Variants in PEPD observed in about 807,000 individuals in gnomAD.
PEPD encodes the protein peptidase D, also known as xaa-Pro dipeptidase.
A neutral mutation model predicts 60.7 loss-of-function variants in PEPD; 53 were observed. That is an observed-to-expected ratio of 0.87 (90% CI 0.70 to 1.10). The LOEUF is 1.10. Ranked by LOEUF, PEPD falls within the 50% of genes least tolerant of loss-of-function variation. The probability of loss-of-function intolerance (pLI) is 0.00; values close to 1 mark genes in which losing one functional copy is unlikely to be tolerated. For synonymous variants in PEPD, 267 were observed against 284.1 expected, an observed-to-expected ratio of 0.94 and a Z score of 0.60; for missense variants, 711 against 711.9, an observed-to-expected ratio of 1.00 and a Z score of 0.01.
intron 3 of PEPD, among the ~76,000 whole-genome samples, chr19:33,503,152 A>G (rs1970741884): frequency 6.6e-6 from 1 of 152,050 alleles, no homozygotes; most frequent in South Asian, 2.1e-4. Flanking sequence ...CCTCTCTCTG[A>G]GTCCTCCACC....
At chr19:33,470,101 C>T (rs569393646) in intron 7 of PEPD, among the ~76,000 whole-genome samples, 7 of 152,026 alleles carry the variant, frequency 4.6e-5, no homozygotes, top group Admixed American at 2.6e-4. Context: ...CACATCCATC[C>T]GCTGCTTCCC....
intron 7 of PEPD, among the ~76,000 whole-genome samples, chr19:33,468,554 A>G (rs1212703781): frequency 1.3e-5 from 2 of 151,892 alleles, no homozygotes. Flanking sequence ...TGGCTCCCCC[A>G]CTCCCATCAG....
At chr19:33,513,947 C>CTG (rs1555771548) in intron 1 of PEPD, among the ~76,000 whole-genome samples, 1 of 151,732 alleles carries the variant, frequency 6.6e-6, no homozygotes. Flanking sequence ...CCACCCCATC[C>CTG]CCCAGCTCTC....
At position 33,388,004 on chromosome 19, in the gene PEPD, G is replaced by C. The variant is rs751317868; in HGVS notation, c.1230C>G (p.Thr410=). 6.3e-7 allele frequency: 1 copy of C among 1,577,470 alleles called. No individual in the cohort carries two copies. Among genetic ancestry groups the C allele is most frequent in the African/African-American group, 1.3e-5 (1 of 74,494 alleles). ...CGATGAAGTAGATGCCCGGCTCCAC[G>C]GTGAGCACCATGCCTGGCTGCAGGT... ...ARHLQPGMVL[T]VEPGIYFIDH... is the part of the protein sequence containing the mutation. The change falls in exon 14 of 15, where the codon ACC becomes ACG. Residue 410 remains threonine (T), a synonymous_variant. Transcript: ENST00000244137.
rs547589245 is a variant in PEPD, at chr19:33,419,750, A to G, written c.672-6107T>C. Among the ~76,000 whole-genome samples the G allele has an allele frequency of 5.9e-5, 9 of 152,358 alleles. 1 individual carries two copies. The highest frequency in any genetic ancestry group is 1.4e-4 in the African/African-American group (6 of 41,588). On this transcript the variant is annotated intron_variant, in intron 9 of 14. Transcript: ENST00000244137. ...CTTCCGGAGCCCTGACCTTGCACCC[A>G]TGCACAAGGCCAGAACTGAGCAGAA...
chr19:33,393,617 G>A (rs910992201), intron 12 of PEPD, among the ~76,000 whole-genome samples: 3 of 150,292 alleles, frequency 2.0e-5, no homozygotes, highest in African/African-American at 7.5e-5. Context: ...TGTGTCACCT[G>A]GGGGCTGGAG....
intron 3 of PEPD, among the ~76,000 whole-genome samples, chr19:33,508,091 C>T (rs1489748535): frequency 1.3e-5 from 2 of 152,102 alleles, no homozygotes; most frequent in African/African-American, 4.8e-5. Context: ...TCAGACCCTC[C>T]CTGAAGCTGT....
chr19:33,517,390 G>A (rs995636665), intron 1 of PEPD, among the ~76,000 whole-genome samples: 4 of 151,386 alleles, frequency 2.6e-5, no homozygotes, highest in Admixed American at 1.3e-4. Flanking sequence ...GAGCCCCTGT[G>A]TCTACTAAAA....
intron 9 of PEPD, among the ~76,000 whole-genome samples, chr19:33,443,393 C>A (rs1413320560): frequency 6.6e-6 from 1 of 152,228 alleles, no homozygotes; most frequent in Non-Finnish European, 1.5e-5. Context: ...ACTCTTGATA[C>A]ATGACTGAAC....
At chr19:33,431,196 G>C (rs893154322) in intron 9 of PEPD, among the ~76,000 whole-genome samples, 1 of 138,186 alleles carries the variant, frequency 7.2e-6, no homozygotes, top group Non-Finnish European at 1.6e-5. Context: ...GGGAGGGAGG[G>C]AGGGAGAGAG....
intron 6 of PEPD, among the ~76,000 whole-genome samples, chr19:33,484,984 C>T (rs1259544417): frequency 6.6e-6 from 1 of 152,142 alleles, no homozygotes; most frequent in African/African-American, 2.4e-5. Flanking sequence ...GGTAGGCGTG[C>T]CCTGGAAGCA....
At position 33,413,587 on chromosome 19, in the gene PEPD, C is replaced by G. The variant is rs554131711; in HGVS notation, c.728G>C (p.Cys243Ser). The G allele has an allele frequency of 1.3e-6, 2 of 1,577,820 alleles. No individual in the cohort carries two copies. The highest frequency in any genetic ancestry group is 2.3e-5 in the South Asian group (2 of 86,268). Residue 243 changes from cysteine (C) to serine (S), a missense_variant, in exon 10 of 15, where the codon TGC becomes TCC. Transcript: ENST00000244137. ...RGGMRHSSYT[C>S]ICGSGENSAV... is the part of the protein sequence containing the mutation. ...GTGCCCCGCTTACCTGCCGCAGATG[C>G]AGGTGTAGGAGCTGTGGCGCATGCC...
intron 7 of PEPD, among the ~76,000 whole-genome samples, chr19:33,464,818 G>T (rs1281721630): frequency 1.3e-5 from 2 of 152,264 alleles, no homozygotes; most frequent in East Asian, 3.9e-4. Flanking sequence ...GTTTCTGGTG[G>T]TTGCAATCAA....
chr19:33,480,567 C>T lies in PEPD; in HGVS notation c.504-2477G>A, dbSNP rs375387927. ...ATCGCAGCACTTTGGGAGGCCAAGG[C>T]GGGTGGATCACGAGGTCAGGAGATC... On this transcript the variant is annotated intron_variant, in intron 6 of 14. Coordinates refer to ENST00000244137, the MANE Select transcript of PEPD (RefSeq NM_000285.4). 1.1e-4 allele frequency among the ~76,000 whole-genome samples: 16 copies of T among 152,184 alleles called. No homozygotes were observed. The East Asian group carries it at 2.3e-3, about 22-fold the overall frequency.
chr19:33,430,868 C>T (rs540845878), intron 9 of PEPD, among the ~76,000 whole-genome samples: 3 of 152,188 alleles, frequency 2.0e-5, no homozygotes, highest in East Asian at 1.9e-4. Context: ...AAGTGCACGC[C>T]GTCTGCCACG....
At chr19:33,412,750 C>G (rs1040516081) in intron 10 of PEPD, among the ~76,000 whole-genome samples, 1 of 152,196 alleles carries the variant, frequency 6.6e-6, no homozygotes, top group Admixed American at 6.5e-5. Flanking sequence ...TATTCATGTG[C>G]CGGGGACGTG....
chr19:33,447,502 G>A (rs1323884321), intron 9 of PEPD, among the ~76,000 whole-genome samples: 1 of 152,246 alleles, frequency 6.6e-6, no homozygotes, highest in African/African-American at 2.4e-5. Context: ...ATTTGTGCAG[G>A]CAGGGCAGGG....
At chr19:33,502,088 G>T (rs1468489227) in intron 3 of PEPD, among the ~76,000 whole-genome samples, 1 of 152,172 alleles carries the variant, frequency 6.6e-6, no homozygotes, top group African/African-American at 2.4e-5. Flanking sequence ...CTCTTGGTCA[G>T]GAGATAAGTC....
intron 4 of PEPD, among the ~76,000 whole-genome samples, chr19:33,498,665 C>A (rs1199405450): frequency 6.6e-6 from 1 of 151,858 alleles, no homozygotes. Context: ...GAGGCAGGTG[C>A]CCATTCCACC....
Sources: allele counts gnomAD v4.1 joint callset (sites outside exome capture counted in the v4.1 genomes callset), GRCh38; gene constraint gnomAD v4.1.1; transcripts MANE v1.5; gene names NCBI Gene and HGNC (gene_info 2026-07-23, HGNC 2026-07-21).